The following ITSN2 variants were observed in gnomAD, a reference collection of about 807,000 sequenced individuals.
ITSN2 encodes the protein intersectin 2.
A neutral mutation model predicts 243.7 loss-of-function variants in ITSN2; 156 were observed. That is an observed-to-expected ratio of 0.64 (90% CI 0.56 to 0.73). ITSN2 has a LOEUF of 0.73. Among genes scored for constraint, ITSN2 ranks in the 30% least tolerant of loss-of-function variants. The probability of loss-of-function intolerance (pLI) is 0.00; values close to 1 mark genes in which losing one functional copy is unlikely to be tolerated. For synonymous variants in ITSN2, 703 were observed against 699.9 expected, an observed-to-expected ratio of 1.00 and a Z score of -0.07; for missense variants, 1,801 against 1,996.1, an observed-to-expected ratio of 0.90 and a Z score of 1.86.
intron 1 of ITSN2, among the ~76,000 whole-genome samples, chr2:24,357,978 G>A (rs1189592289): frequency 1.3e-5 from 2 of 152,042 alleles, no homozygotes; most frequent in South Asian, 4.1e-4. Context: ...GCAGTGGTGC[G>A]ATCTCGGTTC....
In ITSN2 at chr2:24,210,785, C is replaced by T. The variant is rs746407764; in HGVS notation, c.4252G>A (p.Ala1418Thr). 1.1e-5 allele frequency: 18 copies of T among 1,613,480 alleles called. No individual in the cohort carries two copies. Among genetic ancestry groups the T allele is most frequent in the South Asian group, 2.2e-5 (2 of 91,038 alleles). Residue 1418 changes from alanine to threonine, a missense_variant, in exon 34 of 40, where the codon GCG becomes ACG. Coordinates refer to ENST00000355123, the MANE Select transcript of ITSN2 (RefSeq NM_006277.3). Reference sequence around the variant, plus strand: ...CTTAACCACACAGGCCTGACCTCCGCGAGGCCTTCACACTGCACGTGCGCC... The same window carrying T: ...CTTAACCACACAGGCCTGACCTCCGTGAGGCCTTCACACTGCACGTGCGCC... ...IQAHVQCEGL[A>T]EQLIFNSLTN...
At chr2:24,331,633 C>T (rs1161175686) in intron 1 of ITSN2, among the ~76,000 whole-genome samples, 10 of 152,102 alleles carry the variant, frequency 6.6e-5, no homozygotes, top group South Asian at 4.1e-4. Context: ...TCTCCCTTTC[C>T]GTCCTTCAGC....
chr2:24,224,909 C>T (rs1406176996), intron 29 of ITSN2, among the ~76,000 whole-genome samples: 5 of 152,194 alleles, frequency 3.3e-5, no homozygotes, highest in Admixed American at 1.3e-4. Flanking sequence ...GGATTACAGG[C>T]GTGAGCCACC....
At chr2:24,281,153 C>T (rs765684710) in intron 17 of ITSN2, among the ~76,000 whole-genome samples, 4 of 152,274 alleles carry the variant, frequency 2.6e-5, no homozygotes, top group Middle Eastern at 6.8e-3. Flanking sequence ...CTCAGCCTCC[C>T]GAGTAGCTGG....
intron 37 of ITSN2, among the ~76,000 whole-genome samples, chr2:24,207,040 G>T (rs1272100526): frequency 6.6e-6 from 1 of 152,198 alleles, no homozygotes; most frequent in African/African-American, 2.4e-5. Context: ...AAGAGCTAGG[G>T]ATGGGGCTGG....
At chr2:24,215,903 C>T (rs1479703381) in intron 32 of ITSN2, 146 bp downstream of exon 32, 17 of 532,490 alleles carry the variant, frequency 3.2e-5, no homozygotes, top group East Asian at 2.4e-4. Context: ...ACAAAACAAT[C>T]GGAAAATTCT....
rs1192132449 is a variant in ITSN2 at position 24,251,545 on chromosome 2, GTA to G, written c.3120+798_3120+799del. 5.1e-4 allele frequency among the ~76,000 whole-genome samples: 4 copies of G among 7,890 alleles called. 2 individuals are homozygous for G. The East Asian group carries it at 0.033, about 66-fold the overall frequency. 5.2% of individuals were successfully genotyped at this position (7,890 alleles called of 152,430 possible). ...TGTATATATATGTGTATATATATGT[GTA>G]TATATATGTGTATATATATGTGTAT... is the stretch of plus-strand genomic sequence containing the variant. On this transcript the variant is annotated intron_variant, in intron 25 of 39. Transcript: ENST00000355123.
Position 24,205,258 on chromosome 2 carries a change from A to AC in ITSN2, c.4717dup (p.Val1573GlyfsTer5), listed in dbSNP as rs747164227. On this transcript the variant is annotated frameshift_variant, in exon 38 of 40. Coordinates refer to ENST00000355123, the MANE Select transcript of ITSN2 (RefSeq NM_006277.3). LOFTEE classifies it high-confidence loss of function. ...TAATTCTGTAGCTTCAATGACATGC[A>AC]CCATCAGGCGCCCAATGCCTGAAGT... The AC allele has an allele frequency of 1.9e-5, 31 of 1,613,988 alleles. No individual in the cohort carries two copies. Among genetic ancestry groups the AC allele is most frequent in the Non-Finnish European group, 2.6e-5 (31 of 1,179,956 alleles).
chr2:24,319,369 T>C (rs1379532335), intron 2 of ITSN2, among the ~76,000 whole-genome samples: 1 of 152,224 alleles, frequency 6.6e-6, no homozygotes, highest in South Asian at 2.1e-4. Context: ...GAACTGCCCC[T>C]GTAGCCTTCT....
At chr2:24,309,216 C>G (rs919555381) in intron 7 of ITSN2, among the ~76,000 whole-genome samples, 1 of 152,184 alleles carries the variant, frequency 6.6e-6, no homozygotes, top group Non-Finnish European at 1.5e-5. Context: ...GGGGAGGAGA[C>G]AGAGTCTCGC....
intron 29 of ITSN2, among the ~76,000 whole-genome samples, chr2:24,222,678 T>C (rs1325797677): frequency 7.2e-6 from 1 of 138,252 alleles, no homozygotes; most frequent in Non-Finnish European, 1.6e-5. Context: ...CTTTTTTTTT[T>C]TTTTTTTTTT....
At chr2:24,205,567 A>G in intron 37 of ITSN2, 1 of 407,084 alleles carries the variant, frequency 2.5e-6, no homozygotes, top group South Asian at 2.3e-5. Context: ...TCTACCTCCC[A>G]GATCCCTTCC....
intron 8 of ITSN2, 137 bp from the exon 9 acceptor site, chr2:24,303,999 T>G (rs1316306064): frequency 3.0e-6 from 2 of 658,392 alleles, no homozygotes; most frequent in Admixed American, 5.1e-5. Context: ...TTTTACCACG[T>G]GCTAGGTGCT....
intron 12 of ITSN2, 36 bp downstream of exon 12, chr2:24,299,873 A>C (rs370786083): frequency 2.3e-5 from 35 of 1,509,258 alleles, no homozygotes; most frequent in Non-Finnish European, 3.1e-5. Flanking sequence ...ATTAAATGTA[A>C]TGATTTTCTT....
chr2:24,252,779 C>T (rs1674517164), intron 24 of ITSN2, among the ~76,000 whole-genome samples: 1 of 152,032 alleles, frequency 6.6e-6, no homozygotes, highest in Non-Finnish European at 1.5e-5. Flanking sequence ...AAGAATTACC[C>T]AAAACTACAA....
At chr2:24,303,277 G>A (rs1303669118) in intron 9 of ITSN2, among the ~76,000 whole-genome samples, 2 of 152,108 alleles carry the variant, frequency 1.3e-5, no homozygotes, top group African/African-American at 4.8e-5. Context: ...TTATTGCCCC[G>A]AACACCTTCC....
chr2:24,341,577 T>A (rs1034853075), intron 1 of ITSN2, among the ~76,000 whole-genome samples: 1 of 152,152 alleles, frequency 6.6e-6, no homozygotes, highest in Non-Finnish European at 1.5e-5. Flanking sequence ...AGGCAATAAA[T>A]GTTTAAAATA....
chr2:24,281,539 G>A (rs1046469580), intron 17 of ITSN2, among the ~76,000 whole-genome samples: 2 of 152,198 alleles, frequency 1.3e-5, no homozygotes, highest in African/African-American at 4.8e-5. Flanking sequence ...TATGAACCAT[G>A]AACCTATTTC....
intron 28 of ITSN2, 57 bp downstream of exon 28, chr2:24,246,740 T>C: frequency 3.0e-6 from 3 of 1,004,014 alleles, no homozygotes; most frequent in Middle Eastern, 2.1e-4. Flanking sequence ...ATCTAAGAAG[T>C]TGCTGAGTTT....
Sources: gnomAD v4.1 joint callset for allele counts (sites outside exome capture counted in the v4.1 genomes callset) on GRCh38, gnomAD v4.1.1 for gene constraint, MANE v1.5 for transcripts, NCBI Gene and HGNC (gene_info 2026-07-23, HGNC 2026-07-21) for gene names.